The following WWOX variants were observed in gnomAD, a reference collection of about 807,000 sequenced individuals.
WWOX encodes WW domain-containing oxidoreductase.
WWOX carries 69 observed loss-of-function variants against 46.2 expected under a neutral mutation model. The observed-to-expected ratio is 1.49, with a 90% CI of 1.23 to 1.82. The LOEUF (loss-of-function observed/expected upper bound fraction) is 1.82. Among genes scored for constraint, WWOX ranks in the 40% most tolerant of loss-of-function variants. WWOX has a pLI of 0.00. For synonymous variants in WWOX, 359 were observed against 202.6 expected (o/e 1.77, Z -6.56); for missense variants, 919 against 542.6 (o/e 1.69, Z -6.89).
At chr16:78,244,692 G>C (rs2037761962) in intron 5 of WWOX, among the ~76,000 whole-genome samples, 1 of 152,068 alleles carries the variant, frequency 6.6e-6, no homozygotes, top group South Asian at 2.1e-4. Context: ...GCCTTATCAG[G>C]GCTTAGCCTT....
chr16:79,004,673 G>C (rs1333106885), intron 8 of WWOX: 1 of 152,274 alleles, frequency 6.6e-6, no homozygotes. Flanking sequence ...GGTGCGAAGT[G>C]ATGCCTGCTC....
intron 8 of WWOX, among the ~76,000 whole-genome samples, chr16:78,436,810 G>C (rs898821783): frequency 2.0e-5 from 3 of 152,120 alleles, no homozygotes; most frequent in African/African-American, 4.8e-5. Flanking sequence ...CACCCTCTTG[G>C]GCTATCCTGC....
chr16:78,106,245 A>G (rs1369210810), intron 1 of WWOX, among the ~76,000 whole-genome samples: 2 of 152,122 alleles, frequency 1.3e-5, no homozygotes, highest in African/African-American at 2.4e-5. Flanking sequence ...AGCTTGAGAC[A>G]CAGCTCTGCA....
intron 8 of WWOX, among the ~76,000 whole-genome samples, chr16:79,009,367 T>C (rs1040621035): frequency 3.3e-5 from 5 of 152,180 alleles, no homozygotes; most frequent in African/African-American, 1.2e-4. Context: ...CAAATGCTTA[T>C]GGAGCTCTAA....
At chr16:78,556,701 AC>A (rs1268521335) in intron 8 of WWOX, among the ~76,000 whole-genome samples, 1 of 152,074 alleles carries the variant, frequency 6.6e-6, no homozygotes, top group Non-Finnish European at 1.5e-5. Context: ...AGACCGGCAA[AC>A]ACATTTTTTA....
At chr16:79,131,834 G>A (rs1337648413) in intron 8 of WWOX, among the ~76,000 whole-genome samples, 1 of 152,118 alleles carries the variant, frequency 6.6e-6, no homozygotes, top group Non-Finnish European at 1.5e-5. Flanking sequence ...CATATTGCTG[G>A]GGAAGCCTTA....
chr16:78,461,302 G>A (rs2083941539), intron 8 of WWOX, among the ~76,000 whole-genome samples: 1 of 152,096 alleles, frequency 6.6e-6, no homozygotes, highest in South Asian at 2.1e-4. Flanking sequence ...ATCGTCTGCT[G>A]CTCTTGCACT....
intron 8 of WWOX, among the ~76,000 whole-genome samples, chr16:78,443,764 A>G (rs1450829435): frequency 1.3e-5 from 2 of 152,116 alleles, no homozygotes; most frequent in Non-Finnish European, 2.9e-5. Flanking sequence ...CTGCCTCTTT[A>G]TAACTCTTTG....
chr16:78,548,678 C>A (rs1169472545), intron 8 of WWOX, among the ~76,000 whole-genome samples: 1 of 152,108 alleles, frequency 6.6e-6, no homozygotes, highest in Non-Finnish European at 1.5e-5. Context: ...AGAAGTGATT[C>A]CAGGTCATTC....
At position 78,713,273 on chromosome 16, in the gene WWOX, C is replaced by CAAA. The variant is rs5818165; in HGVS notation, c.1056+280547_1056+280549dup. ...TGGGTGACAAAGTGAGACTCTGTCT[C>CAAA]AAAAAAAAAAAAAAAAAAAAAAAAA... On this transcript the variant is annotated intron_variant, in intron 8 of 8. Coordinates refer to ENST00000566780, the MANE Select transcript of WWOX (RefSeq NM_016373.4). Among the ~76,000 whole-genome samples the CAAA allele has an allele frequency of 1.9e-3, 33 of 17,032 alleles. 2 individuals are homozygous for CAAA. Among genetic ancestry groups the CAAA allele is most frequent in the Admixed American group, 7.2e-3 (7 of 976 alleles). 11.2% of individuals were successfully genotyped at this position (17,032 alleles called of 152,430 possible). A position where few individuals can be genotyped will look rare whatever the true frequency, so the allele number is the denominator to read the frequency against.
At chr16:78,586,747 C>A (rs957568322) in intron 8 of WWOX, among the ~76,000 whole-genome samples, 1 of 152,066 alleles carries the variant, frequency 6.6e-6, no homozygotes, top group Non-Finnish European at 1.5e-5. Flanking sequence ...TGCCATTATT[C>A]TTTGACATAG....
chr16:79,140,731 G>A (rs2050073163), intron 8 of WWOX, among the ~76,000 whole-genome samples: 2 of 152,170 alleles, frequency 1.3e-5, no homozygotes, highest in African/African-American at 4.8e-5. Context: ...ATGGTCTTTT[G>A]TCTGTTAAAC....
chr16:78,314,714 T>TTG (rs1276313319), intron 5 of WWOX, among the ~76,000 whole-genome samples: 10,367 of 142,084 alleles, frequency 0.073, 679 homozygotes, highest in Admixed American at 0.15. Context: ...TTTTTTTTTT[T>TTG]TTTTTTTCTG....
chr16:78,670,405 C>T (rs946718748), intron 8 of WWOX, among the ~76,000 whole-genome samples: 6 of 152,174 alleles, frequency 3.9e-5, no homozygotes, highest in Non-Finnish European at 8.8e-5. Context: ...CATTGCAGTG[C>T]CACATGCTGC....
chr16:78,251,936 AC>A (rs372147118), intron 5 of WWOX, among the ~76,000 whole-genome samples: 1 of 152,360 alleles, frequency 6.6e-6, no homozygotes, highest in Non-Finnish European at 1.5e-5. Context: ...AGTTGTCAAT[AC>A]ATCTTTGTTG....
chr16:79,068,688 G>A (rs1390509869), intron 8 of WWOX, among the ~76,000 whole-genome samples: 1 of 151,786 alleles, frequency 6.6e-6, no homozygotes, highest in Non-Finnish European at 1.5e-5. Context: ...GTGCATGCCT[G>A]TGCTCCCAGC....
intron 8 of WWOX, among the ~76,000 whole-genome samples, chr16:79,017,628 C>T (rs1046955426): frequency 7.9e-5 from 12 of 151,814 alleles, no homozygotes; most frequent in African/African-American, 2.9e-4. Flanking sequence ...AATTAATGTG[C>T]ATGGCCGTGT....
At chr16:78,549,404 T>C (rs2151540380) in intron 8 of WWOX, among the ~76,000 whole-genome samples, 1 of 152,338 alleles carries the variant, frequency 6.6e-6, no homozygotes, top group East Asian at 1.9e-4. Context: ...ATATCACTTT[T>C]TTATATTATT....
At chr16:78,885,983 A>C (rs1407595615) in intron 8 of WWOX, among the ~76,000 whole-genome samples, 2 of 144,864 alleles carry the variant, frequency 1.4e-5, no homozygotes, top group Non-Finnish European at 3.0e-5. Context: ...GGAGTGCAGT[A>C]GCACCATCTT....
Sources: allele counts gnomAD v4.1 joint callset (sites outside exome capture counted in the v4.1 genomes callset), GRCh38; gene constraint gnomAD v4.1.1; transcripts MANE v1.5; gene names NCBI Gene and HGNC (gene_info 2026-07-23, HGNC 2026-07-21).